The following OSBPL8 variants were observed in gnomAD, a reference collection of about 807,000 sequenced individuals.
The protein encoded by OSBPL8 is oxysterol-binding protein-related protein 8.
OSBPL8 carries 59 observed loss-of-function variants against 125.5 expected under a neutral mutation model. The ratio of observed to expected loss-of-function variants is 0.47; its 90% CI spans 0.38 to 0.58. The LOEUF is 0.58. Among genes scored for constraint, OSBPL8 ranks in the 20% least tolerant of loss-of-function variants. OSBPL8 has a pLI of 0.00. For missense variants in OSBPL8, 758 were observed against 1,047.8 expected (o/e 0.72, Z 3.82); for synonymous variants, 330 against 338.9 (o/e 0.97, Z 0.29).
chr12:76,369,211 T>C lies in OSBPL8; in HGVS notation c.2328+3A>G. The C allele has an allele frequency of 6.2e-7, 1 of 1,609,076 alleles. No individual in the cohort carries two copies. Among genetic ancestry groups the C allele is most frequent in the South Asian group, 1.1e-5 (1 of 89,784 alleles). On this transcript the variant is annotated splice_donor_region_variant and intron_variant, in intron 21 of 23. Coordinates refer to ENST00000261183, the MANE Select transcript of OSBPL8 (RefSeq NM_020841.5). The stretch of plus-strand genomic sequence containing the variant: ...CTAGTGTACCTAGTTTTTTATTACA[T>C]ACCATTGGAGTACGATGTTTCACTT...
intron 8 of OSBPL8, among the ~76,000 whole-genome samples, chr12:76,395,644 A>G (rs1953759967): frequency 6.6e-6 from 1 of 152,192 alleles, no homozygotes; most frequent in African/African-American, 2.4e-5. Flanking sequence ...CCTGGGTTTC[A>G]ATCATGGCTC....
chr12:76,435,043 T>C (rs1871280500), intron 4 of OSBPL8, among the ~76,000 whole-genome samples: 1 of 152,168 alleles, frequency 6.6e-6, no homozygotes, highest in Non-Finnish European at 1.5e-5. Context: ...CTCAAGGAGA[T>C]ATCTGTACTC....
chr12:76,377,260 G>A (rs1952859747), intron 16 of OSBPL8, among the ~76,000 whole-genome samples: 3 of 152,120 alleles, frequency 2.0e-5, no homozygotes, highest in Admixed American at 1.3e-4. Flanking sequence ...CTTTATAGCA[G>A]AATAATGTAT....
At chr12:76,434,067 A>G (rs1039394276) in intron 4 of OSBPL8, among the ~76,000 whole-genome samples, 1 of 152,142 alleles carries the variant, frequency 6.6e-6, no homozygotes, top group Admixed American at 6.5e-5. Context: ...AGAAGAAAGA[A>G]CAAAGCTGGA....
intron 5 of OSBPL8, among the ~76,000 whole-genome samples, chr12:76,408,999 T>TA (rs201077823): frequency 1.1e-3 from 160 of 148,668 alleles, no homozygotes; most frequent in Middle Eastern, 3.4e-3. Context: ...ATCTTTTTTT[T>TA]AAAAAAAAAA....
intron 1 of OSBPL8, among the ~76,000 whole-genome samples, chr12:76,527,501 A>C (rs889607807): frequency 3.3e-5 from 5 of 152,218 alleles, no homozygotes; most frequent in African/African-American, 1.2e-4. Context: ...CATCGAGTAT[A>C]AATCTGTCAA....
intron 12 of OSBPL8, among the ~76,000 whole-genome samples, chr12:76,389,286 G>C (rs114631997): frequency 0.011 from 1,712 of 152,292 alleles, 33 homozygotes; most frequent in African/African-American, 0.039. Flanking sequence ...GATGCCCCAG[G>C]ATGGGACTGA....
intron 4 of OSBPL8, among the ~76,000 whole-genome samples, chr12:76,425,371 T>C (rs1428442946): frequency 6.6e-6 from 1 of 152,204 alleles, no homozygotes; most frequent in Non-Finnish European, 1.5e-5. Context: ...CCCATGCATC[T>C]ATAATATTTC....
chr12:76,374,377 G>T (rs1373880885), intron 17 of OSBPL8, among the ~76,000 whole-genome samples: 1 of 151,980 alleles, frequency 6.6e-6, no homozygotes, highest in African/African-American at 2.4e-5. Context: ...ATGAGAAGTG[G>T]GGTCTATATT....
intron 2 of OSBPL8, among the ~76,000 whole-genome samples, chr12:76,484,946 G>A (rs541814357): frequency 1.8e-4 from 28 of 152,196 alleles, no homozygotes; most frequent in African/African-American, 6.5e-4. Context: ...TTGAGACGGA[G>A]TTTCGCTCTT....
chr12:76,372,564 A>T lies in OSBPL8; in HGVS notation c.1917+780T>A, dbSNP rs78522669. 9.6e-3 allele frequency among the ~76,000 whole-genome samples: 1,459 copies of T among 152,092 alleles called. 28 individuals carry two copies. The highest frequency in any genetic ancestry group is 0.034 in the African/African-American group (1,408 of 41,482). On this transcript the variant is annotated intron_variant, in intron 18 of 23. Transcript: ENST00000261183. ...CTCAGATTTAAGGCAATTAAAAAAA[A>T]TTTTCAGAGTGTATGTGGCCACTTA...
At chr12:76,493,353 T>C (rs1878937814) in intron 1 of OSBPL8, among the ~76,000 whole-genome samples, 1 of 152,224 alleles carries the variant, frequency 6.6e-6, no homozygotes, top group East Asian at 1.9e-4. Flanking sequence ...ATGTTACTAA[T>C]TAGCACCCTT....
intron 21 of OSBPL8, among the ~76,000 whole-genome samples, chr12:76,361,467 A>G (rs554933996): frequency 6.6e-6 from 1 of 152,212 alleles, no homozygotes; most frequent in Non-Finnish European, 1.5e-5. Context: ...TGAGCCCTCC[A>G]AACTGTTGCA....
Position 76,375,364 on chromosome 12 carries a change from A to G in OSBPL8, c.1736T>C (p.Leu579Pro). ...AAGCTCCAGTGTCATTGTACCATAA[A>G]GAATTCCTAAAGGAAAAAGATTTGA... ...TMPYAHCKGILYGTMTLELGG... is the reference protein window; with the variant it reads ...TMPYAHCKGIPYGTMTLELGG... Residue 579 changes from leucine (L) to proline (P), a missense_variant, in exon 17 of 24, where the codon CTT (leucine) becomes CCT (proline). Around this residue, in one of 3 missense-constraint regions of OSBPL8, gnomAD observed 572 missense variants for 762.0 expected, o/e 0.75. Transcript: ENST00000261183. 4 of 1,609,840 alleles carry G rather than the reference A, an allele frequency of 2.5e-6. No homozygotes were observed. Among genetic ancestry groups the G allele is most frequent in the Non-Finnish European group, 3.4e-6 (4 of 1,177,308 alleles).
At chr12:76,383,091 G>T (rs1248836390) in intron 15 of OSBPL8, among the ~76,000 whole-genome samples, 2 of 152,000 alleles carry the variant, frequency 1.3e-5, no homozygotes, top group African/African-American at 4.8e-5. Flanking sequence ...AATTCATTCT[G>T]GATTTAATAG....
chr12:76,558,633 T>A (rs2137560685), intron 1 of OSBPL8, among the ~76,000 whole-genome samples: 1 of 152,338 alleles, frequency 6.6e-6, no homozygotes, highest in South Asian at 2.1e-4. Context: ...TCAGAAAGCA[T>A]TTAAATAAAA....
intron 1 of OSBPL8, among the ~76,000 whole-genome samples, chr12:76,523,302 T>A (rs1950073969): frequency 6.6e-6 from 1 of 152,172 alleles, no homozygotes; most frequent in South Asian, 2.1e-4. Flanking sequence ...CTTTCCACAT[T>A]TCTAAAGTAT....
At chr12:76,363,404 T>G (rs182881064) in intron 21 of OSBPL8, among the ~76,000 whole-genome samples, 1 of 152,262 alleles carries the variant, frequency 6.6e-6, no homozygotes, top group East Asian at 1.9e-4. Context: ...AAACTAACAA[T>G]GGGGAAAGGA....
chr12:76,548,998 C>T (rs1400811048), intron 1 of OSBPL8, among the ~76,000 whole-genome samples: 2 of 151,932 alleles, frequency 1.3e-5, no homozygotes, highest in African/African-American at 4.8e-5. Flanking sequence ...CATTCTAAGA[C>T]TCAAGACGAC....
Sources: gnomAD v4.1 joint callset for allele counts (sites outside exome capture counted in the v4.1 genomes callset) on GRCh38, gnomAD v4.1.1 for gene constraint, gnomAD v4.1.1 regional missense constraint, MANE v1.5 for transcripts, NCBI Gene and HGNC (gene_info 2026-07-23, HGNC 2026-07-21) for gene names.